CSMD1: variants seen among roughly 807,000 people sequenced by gnomAD.
CSMD1 encodes the protein CUB and Sushi multiple domains 1, also known as CUB and sushi domain-containing protein 1.
A neutral mutation model predicts 417.5 loss-of-function variants in CSMD1; 213 were observed. The observed-to-expected ratio is 0.51, with a 90% CI of 0.46 to 0.57. CSMD1 has a LOEUF of 0.57. Ranked by LOEUF, CSMD1 falls within the 20% of genes least tolerant of loss-of-function variation. CSMD1 has a pLI of 0.00. For synonymous variants in CSMD1, 2,862 were observed against 1,736.8 expected (o/e 1.65, Z -16.11); for missense variants, 6,923 against 4,529.7 (o/e 1.53, Z -15.17).
chr8:4,936,431 A>G (rs1807623496), intron 1 of CSMD1, among the ~76,000 whole-genome samples: 1 of 152,216 alleles, frequency 6.6e-6, no homozygotes, highest in Non-Finnish European at 1.5e-5. Context: ...TAAATAGAAA[A>G]AAATAGAAGG....
chr8:4,975,265 G>A (rs191078519), intron 1 of CSMD1, among the ~76,000 whole-genome samples: 12 of 152,260 alleles, frequency 7.9e-5, no homozygotes, highest in Non-Finnish European at 1.2e-4. Context: ...TTCAACTTAC[G>A]CTTATTAAAG....
rs1491463031 is a variant in CSMD1 at position 3,559,872 on chromosome 8, G to GT, written c.1344+15072dup. Among the ~76,000 whole-genome samples the GT allele has an allele frequency of 5.9e-5, 9 of 152,158 alleles. 1 individual carries two copies. The highest frequency in any genetic ancestry group is 1.2e-4 in the Non-Finnish European group (8 of 68,034). On this transcript the variant is annotated intron_variant, in intron 10 of 69. Coordinates refer to ENST00000635120, the MANE Select transcript of CSMD1 (RefSeq NM_033225.6). ...CTAAGAGGCCCCTAGAGTGGACACAGTGAGAATGGAAGAGGGGTTGAAGAC... is the reference window on the plus strand; with the variant it reads ...CTAAGAGGCCCCTAGAGTGGACACAGTTGAGAATGGAAGAGGGGTTGAAGAC...
At chr8:4,102,910 T>G (rs772683862) in intron 3 of CSMD1, among the ~76,000 whole-genome samples, 14 of 152,156 alleles carry the variant, frequency 9.2e-5, no homozygotes, top group Non-Finnish European at 1.3e-4. Flanking sequence ...AAGTGCTGAG[T>G]GCTGGAGTCA....
At chr8:3,199,235 T>C (rs1309538186) in intron 33 of CSMD1, among the ~76,000 whole-genome samples, 1 of 152,206 alleles carries the variant, frequency 6.6e-6, no homozygotes, top group Non-Finnish European at 1.5e-5. Flanking sequence ...GGTATTTAGT[T>C]AGGATAAGAG....
At chr8:3,240,349 T>A (rs1799417447) in intron 26 of CSMD1, among the ~76,000 whole-genome samples, 1 of 150,884 alleles carries the variant, frequency 6.6e-6, no homozygotes, top group Non-Finnish European at 1.5e-5. Context: ...CTTTTGTGAG[T>A]TTATATAATG....
At chr8:3,069,801 A>T (rs1813202547) in intron 49 of CSMD1, among the ~76,000 whole-genome samples, 1 of 152,130 alleles carries the variant, frequency 6.6e-6, no homozygotes, top group Non-Finnish European at 1.5e-5. Flanking sequence ...TCAACCCCAC[A>T]TTTCCCTTGG....
chr8:4,723,643 C>T (rs1351812500), intron 1 of CSMD1, among the ~76,000 whole-genome samples: 1 of 151,986 alleles, frequency 6.6e-6, no homozygotes, highest in Non-Finnish European at 1.5e-5. Context: ...TAGCTAATGA[C>T]CTTACATATG....
intron 2 of CSMD1, among the ~76,000 whole-genome samples, chr8:4,512,169 G>A (rs1488509276): frequency 6.6e-6 from 1 of 152,020 alleles, no homozygotes; most frequent in African/African-American, 2.4e-5. Context: ...ACATCAACAG[G>A]TTAAAGAAAA....
At chr8:3,215,603 C>G (rs946316752) in intron 29 of CSMD1, among the ~76,000 whole-genome samples, 1 of 152,230 alleles carries the variant, frequency 6.6e-6, no homozygotes, top group African/African-American at 2.4e-5. Flanking sequence ...AGTATTTCTT[C>G]TTCCCAAGTA....
At chr8:4,259,815 T>C (rs530771417) in intron 3 of CSMD1, among the ~76,000 whole-genome samples, 1 of 152,308 alleles carries the variant, frequency 6.6e-6, no homozygotes, top group East Asian at 1.9e-4. Context: ...AGCTATTATT[T>C]GGCACATTAC....
At chr8:4,179,892 C>G (rs947213672) in intron 3 of CSMD1, among the ~76,000 whole-genome samples, 2 of 152,118 alleles carry the variant, frequency 1.3e-5, no homozygotes, top group Non-Finnish European at 2.9e-5. Context: ...CATCTCACAC[C>G]AGTTAGAATG....
intron 11 of CSMD1, among the ~76,000 whole-genome samples, chr8:3,475,001 C>T (rs936764074): frequency 6.6e-6 from 1 of 152,168 alleles, no homozygotes. Flanking sequence ...TCTGTCATCT[C>T]CCAGGCGTGT....
chr8:4,076,196 A>T (rs150153602), intron 3 of CSMD1, among the ~76,000 whole-genome samples: 1 of 152,152 alleles, frequency 6.6e-6, no homozygotes, highest in African/African-American at 2.4e-5. Flanking sequence ...GAGTTCTCAC[A>T]AGATCTAATG....
intron 44 of CSMD1, 76 bp downstream of exon 44, chr8:3,108,527 C>G: frequency 6.9e-7 from 1 of 1,451,682 alleles, no homozygotes; most frequent in South Asian, 1.3e-5. Context: ...CAGCTGGAAA[C>G]AAGGCGTGGG....
intron 5 of CSMD1, among the ~76,000 whole-genome samples, chr8:3,843,881 A>C (rs528526874): frequency 6.6e-6 from 1 of 152,304 alleles, no homozygotes; most frequent in African/African-American, 2.4e-5. Flanking sequence ...TTGTGAGTAC[A>C]ATTTAGAGTA....
At chr8:3,942,031 T>C (rs531006155) in intron 5 of CSMD1, among the ~76,000 whole-genome samples, 7 of 152,086 alleles carry the variant, frequency 4.6e-5, no homozygotes, top group Middle Eastern at 3.4e-3. Flanking sequence ...TAGATTCTTA[T>C]AGGCGCGCAA....
chr8:4,315,270 A>T (rs1328249153), intron 3 of CSMD1, among the ~76,000 whole-genome samples: 1 of 152,146 alleles, frequency 6.6e-6, no homozygotes, highest in Non-Finnish European at 1.5e-5. Context: ...AGGGTTTATG[A>T]AAACTGAGAC....
At chr8:3,280,021 C>A (rs1802607729) in intron 26 of CSMD1, among the ~76,000 whole-genome samples, 1 of 152,202 alleles carries the variant, frequency 6.6e-6, no homozygotes, top group Non-Finnish European at 1.5e-5. Context: ...ATGGTCAATG[C>A]AGCAGCTTGA....
At chr8:2,943,596 G>C (rs753281703) in intron 68 of CSMD1, among the ~76,000 whole-genome samples, 2 of 152,202 alleles carry the variant, frequency 1.3e-5, no homozygotes, top group African/African-American at 4.8e-5. Context: ...GAAGGTGATA[G>C]AATCAGCCAG....
Sources: gnomAD v4.1 joint callset for allele counts (sites outside exome capture counted in the v4.1 genomes callset) on GRCh38, gnomAD v4.1.1 for gene constraint, MANE v1.5 for transcripts, NCBI Gene and HGNC (gene_info 2026-07-23, HGNC 2026-07-21) for gene names.